The following NDRG2 variants were observed in gnomAD, a reference collection of about 807,000 sequenced individuals.
NDRG2 encodes the protein protein NDRG2.
NDRG2 carries 34 observed loss-of-function variants against 58.2 expected under a neutral mutation model. The observed-to-expected ratio is 0.58, with a 90% CI of 0.44 to 0.78. The LOEUF (loss-of-function observed/expected upper bound fraction) is 0.78, where lower values mean the gene tolerates loss of function less well. Ranked by LOEUF, NDRG2 falls within the 30% of genes least tolerant of loss-of-function variation. The probability of loss-of-function intolerance (pLI) is 0.00; values close to 1 mark genes in which losing one functional copy is unlikely to be tolerated. For missense variants in NDRG2, 434 were observed against 471.2 expected, an observed-to-expected ratio of 0.92 and a Z score of 0.73; for synonymous variants, 187 against 175.9, an observed-to-expected ratio of 1.06 and a Z score of -0.50.
At chr14:21,036,823 T>C (rs112050684) in intron 1 of NDRG2, among the ~76,000 whole-genome samples, 43 of 152,290 alleles carry the variant, frequency 2.8e-4, no homozygotes, top group African/African-American at 9.4e-4. Context: ...GCCAAGGAAG[T>C]GGGCACCGTC....
chr14:21,016,887 A>G lies in NDRG2; in HGVS notation c.*709T>C, dbSNP rs748687797. ...GGGTAGCCCTTTCCACCCTATGCCA[A>G]GCCCCAAGCAGCCCAGCCCAAGCTT... On this transcript the variant is annotated 3_prime_UTR_variant, in exon 16 of 16. Coordinates refer to ENST00000556147, the MANE Select transcript of NDRG2 (RefSeq NM_001320329.2). 1.0e-3 allele frequency: 459 copies of G among 456,564 alleles called. 4 individuals carry two copies. The Middle Eastern group carries it at 0.013, about 13-fold the overall frequency. The allele number at this position is 456,564 out of a possible 1,614,324, so 28.3% of individuals were successfully genotyped here.
chr14:21,059,962 C>T (rs1418984563), intron 1 of NDRG2, among the ~76,000 whole-genome samples: 1 of 152,168 alleles, frequency 6.6e-6, no homozygotes, highest in Non-Finnish European at 1.5e-5. Context: ...CACATACACA[C>T]CCCCATATGC....
At chr14:21,034,965 T>G (rs1465544970) in intron 1 of NDRG2, among the ~76,000 whole-genome samples, 4 of 152,240 alleles carry the variant, frequency 2.6e-5, no homozygotes, top group Non-Finnish European at 5.9e-5. Flanking sequence ...ATGTTTTCTC[T>G]GTTCCATAGC....
At chr14:21,025,461 G>A (rs1330786767), upstream of NDRG2, 2 of 985,374 alleles carry the variant, frequency 2.0e-6, no homozygotes, top group South Asian at 4.7e-5. This position sits in a 1 kb window ranked among gnomAD's most constrained non-coding sequence, Gnocchi z 5.1. Context: ...CCGGTAGTGG[G>A]GAGACGAACC....
intron 1 of NDRG2, chr14:21,036,176 T>A: frequency 2.2e-6 from 1 of 456,338 alleles, no homozygotes; most frequent in South Asian, 1.5e-5. Flanking sequence ...TCTTCCATTC[T>A]TATTTCTTCC....
intron 1 of NDRG2, among the ~76,000 whole-genome samples, chr14:21,054,335 T>TACACACACAC (rs3061929): frequency 2.3e-4 from 34 of 150,026 alleles, no homozygotes; most frequent in African/African-American, 8.1e-4. Context: ...AAAGAGATAA[T>TACACACACAC]ACACACACAC....
chr14:21,029,163 G>A (rs144134519), upstream of NDRG2: 11 of 152,300 alleles, frequency 7.2e-5, no homozygotes, highest in East Asian at 1.3e-3. Context: ...TTTCTATTGC[G>A]ACTGGCCTTT....
chr14:21,022,602 G>A, intron 3 of NDRG2, 105 bp from the exon 4 acceptor site: 1 of 810,050 alleles, frequency 1.2e-6, no homozygotes, highest in Non-Finnish European at 2.0e-6. Context: ...AGAGGGAAAA[G>A]GGAACAAAGA....
intron 6 of NDRG2, 147 bp downstream of exon 6, chr14:21,021,670 A>G (rs1191495891): frequency 4.4e-6 from 4 of 900,060 alleles, no homozygotes; most frequent in African/African-American, 1.7e-5. Context: ...CCTTTTCTCA[A>G]TAATCAAGGC....
At chr14:21,058,568 C>T in intron 1 of NDRG2, 1 of 561,404 alleles carries the variant, frequency 1.8e-6, no homozygotes, top group Non-Finnish European at 3.1e-6. Flanking sequence ...TTCATTGTAG[C>T]TTACTTTGCA....
intron 1 of NDRG2, chr14:21,031,904 G>A (rs1884207840): frequency 6.2e-7 from 1 of 1,613,606 alleles, no homozygotes; most frequent in Non-Finnish European, 8.5e-7. Flanking sequence ...AGCAACAACA[G>A]TGGGTGCAGT....
At chr14:21,053,349 C>T (rs943645494) in intron 1 of NDRG2, among the ~76,000 whole-genome samples, 5 of 152,028 alleles carry the variant, frequency 3.3e-5, no homozygotes, top group Admixed American at 6.6e-5. Context: ...GCACTTTGGC[C>T]GGGCGCAGTG....
chr14:21,046,422 T>C (rs978116453), intron 1 of NDRG2, among the ~76,000 whole-genome samples: 19 of 152,220 alleles, frequency 1.2e-4, no homozygotes, highest in African/African-American at 4.3e-4. Flanking sequence ...CTCCAGAGGC[T>C]GAGGTGGCGG....
At position 21,024,679 on chromosome 14, in the gene NDRG2, G is replaced by A. The variant is rs567177487; in HGVS notation, c.-656C>T. The A allele has an allele frequency of 4.1e-6, 4 of 985,468 alleles. No individual in the cohort carries two copies. The highest frequency in any genetic ancestry group is 3.6e-6 in the Non-Finnish European group (3 of 829,984). The allele number at this position is 985,468 out of a possible 1,614,324, so 61.0% of individuals were successfully genotyped here. A position where few individuals can be genotyped will look rare whatever the true frequency, so the allele number is the denominator to read the frequency against. ...TTCTCCCGTTCTCCCCCGACGGCCCGCGAAGGCAAGCGCCATCGGGAAGGG... is the reference window on the plus strand; with the variant it reads ...TTCTCCCGTTCTCCCCCGACGGCCCACGAAGGCAAGCGCCATCGGGAAGGG... On this transcript the variant is annotated 5_prime_UTR_variant, in exon 1 of 16. Transcript: ENST00000556147.
intron 1 of NDRG2, chr14:21,033,830 A>T: frequency 6.2e-7 from 1 of 1,610,070 alleles, no homozygotes; most frequent in Non-Finnish European, 8.5e-7. Context: ...AAATTCCCGA[A>T]TAGAGACCAG....
At chr14:21,069,002 G>C (rs1438600333) in intron 1 of NDRG2, among the ~76,000 whole-genome samples, 1 of 152,254 alleles carries the variant, frequency 6.6e-6, no homozygotes, top group African/African-American at 2.4e-5. Flanking sequence ...GGCGAGGCCA[G>C]ACGTTTTCTC....
At chr14:21,057,913 A>G in intron 1 of NDRG2, 1 of 1,613,928 alleles carries the variant, frequency 6.2e-7, no homozygotes, top group Non-Finnish European at 8.5e-7. Context: ...CCAGAGCAGG[A>G]TGCTGCCCCC....
chr14:21,024,947 G>C lies in NDRG2; in HGVS notation c.-924C>G. On this transcript the variant is annotated 5_prime_UTR_variant, in exon 1 of 16. Coordinates refer to ENST00000556147, the MANE Select transcript of NDRG2 (RefSeq NM_001320329.2). ...CTTTCCCCCGAGCCTCCAGCTCCAG[G>C]GGACGCGGATCAATCACACCGCCCG... The C allele has an allele frequency of 2.0e-6, 2 of 985,622 alleles. No individual in the cohort carries two copies. Among genetic ancestry groups the C allele is most frequent in the Non-Finnish European group, 2.4e-6 (2 of 830,084 alleles). 61.1% of individuals were successfully genotyped at this position (985,622 alleles called of 1,614,324 possible).
chr14:21,069,639 C>T (rs1401840693), intron 1 of NDRG2, among the ~76,000 whole-genome samples: 1 of 152,250 alleles, frequency 6.6e-6, no homozygotes, highest in East Asian at 1.9e-4. Flanking sequence ...CTCCCGCCTT[C>T]CCCAGGCAAC....
Sources: allele counts gnomAD v4.1 joint callset (sites outside exome capture counted in the v4.1 genomes callset), GRCh38; gene constraint gnomAD v4.1.1; non-coding constraint Gnocchi (gnomAD v3.1); transcripts MANE v1.5; gene names NCBI Gene and HGNC (gene_info 2026-07-23, HGNC 2026-07-21).